Variants in CDC73 observed in about 807,000 individuals in gnomAD.
The protein encoded by CDC73 is cell division cycle 73.
In CDC73, 21 loss-of-function variants were observed where a neutral mutation model predicts 83.7. The ratio of observed to expected loss-of-function variants is 0.25; its 90% CI spans 0.18 to 0.36. The LOEUF (loss-of-function observed/expected upper bound fraction) is 0.36. Among genes scored for constraint, CDC73 ranks in the 10% least tolerant of loss-of-function variants. CDC73 has a pLI of 1.00. For synonymous variants in CDC73, 224 were observed against 212.9 expected, an observed-to-expected ratio of 1.05 and a Z score of -0.45; for missense variants, 342 against 653.3, an observed-to-expected ratio of 0.52 and a Z score of 5.19.
intron 13 of CDC73, among the ~76,000 whole-genome samples, chr1:193,232,764 G>C (rs182840384): frequency 6.6e-6 from 1 of 151,978 alleles, no homozygotes; most frequent in East Asian, 1.9e-4. Flanking sequence ...TTAGCTGGGC[G>C]TGGTGGCGGT....
At chr1:193,229,828 G>A (rs1174813927) in intron 13 of CDC73, among the ~76,000 whole-genome samples, 1 of 152,176 alleles carries the variant, frequency 6.6e-6, no homozygotes, top group Non-Finnish European at 1.5e-5. Flanking sequence ...TGGTATATGA[G>A]TGTGTCTATA....
intron 10 of CDC73, among the ~76,000 whole-genome samples, chr1:193,193,328 T>C (rs1051133388): frequency 6.6e-6 from 1 of 152,214 alleles, no homozygotes; most frequent in African/African-American, 2.4e-5. Flanking sequence ...GATGGATACA[T>C]AGATCATTAT....
At chr1:193,250,614 C>A in intron 16 of CDC73, 62 bp from the exon 17 acceptor site, 4 of 1,155,616 alleles carry the variant, frequency 3.5e-6, no homozygotes, top group Non-Finnish European at 5.2e-6. Flanking sequence ...TTTTTACATG[C>A]ATTATTCTAA....
chr1:193,228,963 A>G (rs996147239), intron 13 of CDC73, among the ~76,000 whole-genome samples: 5 of 152,132 alleles, frequency 3.3e-5, no homozygotes, highest in Non-Finnish European at 5.9e-5. Context: ...AGATGTTGAC[A>G]CTCCACAAAA....
chr1:193,225,322 G>T lies in CDC73; in HGVS notation c.1155-7671G>T, dbSNP rs1677548949. Reference sequence around the variant, plus strand: ...CGCTAGTTGATTAATGGGCATTTAGGTTGGTTCCACATTTTTGCAATTGCG... The same window carrying T: ...CGCTAGTTGATTAATGGGCATTTAGTTTGGTTCCACATTTTTGCAATTGCG... On this transcript the variant is annotated intron_variant, in intron 13 of 16. Coordinates refer to ENST00000367435, the MANE Select transcript of CDC73 (RefSeq NM_024529.5). Among the ~76,000 whole-genome samples, 6 of 151,226 alleles carry T rather than the reference G, an allele frequency of 4.0e-5. 1 individual carries two copies. In the South Asian group the frequency reaches 1.3e-3, roughly 32 times the overall value.
At chr1:193,140,503 G>C (rs1367951976) in intron 6 of CDC73, among the ~76,000 whole-genome samples, 1 of 152,154 alleles carries the variant, frequency 6.6e-6, no homozygotes. Flanking sequence ...TTTAAGGGAA[G>C]CACTTTGGCA....
intron 11 of CDC73, among the ~76,000 whole-genome samples, chr1:193,208,979 A>G (rs1677234131): frequency 6.6e-6 from 1 of 152,218 alleles, no homozygotes; most frequent in African/African-American, 2.4e-5. Flanking sequence ...CTTTTCTGCC[A>G]GTATACACTC....
At chr1:193,151,384 T>C (rs1358808979) in intron 9 of CDC73, among the ~76,000 whole-genome samples, 1 of 152,206 alleles carries the variant, frequency 6.6e-6, no homozygotes, top group Non-Finnish European at 1.5e-5. Flanking sequence ...GAGGAATGAA[T>C]TATATAAAGC....
At position 193,122,189 on chromosome 1, in the gene CDC73, A is replaced by AGG. The variant is rs545666726; in HGVS notation, c.-5_-4dup. 4.3e-6 allele frequency: 7 copies of AGG among 1,609,204 alleles called. No individual in the cohort carries two copies. The highest frequency in any genetic ancestry group is 2.2e-5 in the South Asian group (2 of 90,968). On this transcript the variant is annotated 5_prime_UTR_variant, in exon 1 of 17. Coordinates refer to ENST00000367435, the MANE Select transcript of CDC73 (RefSeq NM_024529.5). ...GCGGCGCCCCGAGCCGGCGGAGGCG[A>AGG]GGGGGGGGAAGATGGCGGACGTGCT... is the stretch of plus-strand genomic sequence containing the variant.
chr1:193,198,267 A>C (rs1010049448), intron 10 of CDC73, among the ~76,000 whole-genome samples: 5 of 152,214 alleles, frequency 3.3e-5, no homozygotes, highest in African/African-American at 4.8e-5. Flanking sequence ...AATGCCTCCC[A>C]AAATTTGTGT....
At chr1:193,178,670 ATAAAT>A (rs1271517046) in intron 10 of CDC73, among the ~76,000 whole-genome samples, 2 of 152,336 alleles carry the variant, frequency 1.3e-5, no homozygotes, top group African/African-American at 4.8e-5. Context: ...GTCATATAGA[ATAAAT>A]TAAGTGAAAG....
At chr1:193,143,032 A>G (rs1013452618) in intron 7 of CDC73, among the ~76,000 whole-genome samples, 3 of 152,206 alleles carry the variant, frequency 2.0e-5, no homozygotes, top group African/African-American at 7.2e-5. Flanking sequence ...ACTGAAATTT[A>G]ACATTGTTTT....
chr1:193,148,694 G>A (rs1344714320), intron 8 of CDC73, among the ~76,000 whole-genome samples: 2 of 129,622 alleles, frequency 1.5e-5, no homozygotes, highest in African/African-American at 6.1e-5. Context: ...TGCCCAGGCT[G>A]GAGTCAGTGG....
chr1:193,148,899 C>T (rs1539724), intron 8 of CDC73, among the ~76,000 whole-genome samples: 92,724 of 151,360 alleles, frequency 0.61, 29,067 homozygotes, highest in South Asian at 0.77. Flanking sequence ...CTGCCCACCT[C>T]GGCCTTCCAG....
intron 10 of CDC73, among the ~76,000 whole-genome samples, chr1:193,171,139 A>G (rs780934870): frequency 3.3e-5 from 5 of 152,202 alleles, no homozygotes; most frequent in Admixed American, 3.3e-4. Flanking sequence ...AACACTGCAC[A>G]TGGTTGAGTC....
At chr1:193,166,354 T>G (rs1676433992) in intron 10 of CDC73, among the ~76,000 whole-genome samples, 1 of 152,156 alleles carries the variant, frequency 6.6e-6, no homozygotes, top group African/African-American at 2.4e-5. Flanking sequence ...CACGGTTCAC[T>G]GTGTTGCCCG....
chr1:193,145,414 C>T (rs190192853), intron 7 of CDC73, among the ~76,000 whole-genome samples: 1 of 152,112 alleles, frequency 6.6e-6, no homozygotes, highest in East Asian at 1.9e-4. Context: ...TAAGAAAGCA[C>T]AATAAATGTC....
intron 5 of CDC73, among the ~76,000 whole-genome samples, chr1:193,136,975 G>A (rs371140960): frequency 1.3e-4 from 3 of 22,462 alleles, no homozygotes; most frequent in African/African-American, 3.2e-4. Context: ...GCAGGAAATG[G>A]CATAATACAT....
Position 193,146,897 on chromosome 1 carries a change from A to G in CDC73, c.730-970A>G, listed in dbSNP as rs1676009602. 2.0e-5 allele frequency among the ~76,000 whole-genome samples: 3 copies of G among 152,208 alleles called. No homozygotes were observed. The South Asian group carries it at 6.2e-4, about 32-fold the overall frequency. On this transcript the variant is annotated intron_variant, in intron 7 of 16. Coordinates refer to ENST00000367435, the MANE Select transcript of CDC73 (RefSeq NM_024529.5). ...AGTATCTCAAAACTCATATGTAGCA[A>G]TCTGAAATTAGCACTGGAGTTTAAC... is the stretch of plus-strand genomic sequence containing the variant.
Sources: allele counts gnomAD v4.1 joint callset (sites outside exome capture counted in the v4.1 genomes callset), GRCh38; gene constraint gnomAD v4.1.1; transcripts MANE v1.5; gene names NCBI Gene and HGNC (gene_info 2026-07-23, HGNC 2026-07-21).